Variants in SH3BP4 observed in about 807,000 individuals in gnomAD.
The protein encoded by SH3BP4 is SH3 domain-binding protein 4.
SH3BP4 carries 33 observed loss-of-function variants against 65.5 expected under a neutral mutation model. The ratio of observed to expected loss-of-function variants is 0.50; its 90% CI spans 0.38 to 0.67. The LOEUF (loss-of-function observed/expected upper bound fraction) is 0.67. Ranked by LOEUF, SH3BP4 falls within the 30% of genes least tolerant of loss-of-function variation. The probability of loss-of-function intolerance (pLI) is 0.00; values close to 1 mark genes in which losing one functional copy is unlikely to be tolerated. For synonymous variants in SH3BP4, 552 were observed against 545.5 expected, an observed-to-expected ratio of 1.01 and a Z score of -0.17; for missense variants, 1,134 against 1,261.4, an observed-to-expected ratio of 0.90 and a Z score of 1.53.
chr2:234,992,750 CCA>C (rs1693789131), intron 1 of SH3BP4, among the ~76,000 whole-genome samples: 1 of 145,536 alleles, frequency 6.9e-6, no homozygotes, highest in Admixed American at 6.8e-5. Context: ...TGCATTCCTG[CCA>C]TGTGGCTCTG....
intron 1 of SH3BP4, among the ~76,000 whole-genome samples, chr2:234,988,235 A>AT (rs1320110084): frequency 6.6e-6 from 1 of 151,828 alleles, no homozygotes; most frequent in Non-Finnish European, 1.5e-5. Context: ...AATTTTTTGT[A>AT]TTTTTAGTAG....
chr2:235,029,940 AGGTTGAAGGAACAATGCAGAGGTGGAC>A (rs1466048236), intron 2 of SH3BP4, among the ~76,000 whole-genome samples: 2 of 152,152 alleles, frequency 1.3e-5, no homozygotes, highest in African/African-American at 4.8e-5. Context: ...AGCTTGGGTG[AGGTTGAAGGAACAATGCAGAGGTGGAC>A]GGTGTTGGGC....
rs1350016544 is a variant in SH3BP4, at chr2:235,041,591, C to T, written c.822C>T (p.Pro274=). ...SFFTGLKSPA[P]EQFQSREDFR... is the part of the protein sequence containing the mutation. ...TCACCGGCTTGAAATCACCTGCCCC[C>T]GAGCAATTTCAGAGCCGGGAGGATT... The change falls in exon 4 of 6, where the codon CCC becomes CCT. Residue 274 remains proline (P), a synonymous_variant. Coordinates refer to ENST00000392011, the MANE Select transcript of SH3BP4 (RefSeq NM_014521.3). The surrounding 1 kb of genome is among the most constrained non-coding windows in gnomAD (Gnocchi z 6.0). 15 of 1,614,072 alleles carry T rather than the reference C, an allele frequency of 9.3e-6. No homozygotes were observed. Among genetic ancestry groups the T allele is most frequent in the Middle Eastern group, 1.6e-4 (1 of 6,062 alleles).
intron 1 of SH3BP4, among the ~76,000 whole-genome samples, chr2:234,955,689 A>G (rs980066708): frequency 1.3e-5 from 2 of 152,168 alleles, no homozygotes; most frequent in Non-Finnish European, 2.9e-5. Context: ...ATCAGGAAGC[A>G]TATGGATTTG....
At chr2:234,964,812 G>A (rs1267773973) in intron 1 of SH3BP4, among the ~76,000 whole-genome samples, 1 of 152,144 alleles carries the variant, frequency 6.6e-6, no homozygotes, top group East Asian at 1.9e-4. Context: ...CCAAGAAGAC[G>A]CGATTAGACG....
chr2:234,970,053 ACACT>A (rs1692947855), intron 1 of SH3BP4, among the ~76,000 whole-genome samples: 3 of 142,892 alleles, frequency 2.1e-5, no homozygotes, highest in Admixed American at 6.8e-5. Flanking sequence ...TTACTCACAC[ACACT>A]CATACACACA....
chr2:235,001,506 C>A (rs1303490938), intron 2 of SH3BP4, among the ~76,000 whole-genome samples: 1 of 152,216 alleles, frequency 6.6e-6, no homozygotes, highest in Non-Finnish European at 1.5e-5. Context: ...GTGTAAAACT[C>A]TCCTTCCCTT....
chr2:235,040,096 A>T (rs761420587), intron 3 of SH3BP4, among the ~76,000 whole-genome samples: 3 of 152,132 alleles, frequency 2.0e-5, no homozygotes, highest in Non-Finnish European at 4.4e-5. Context: ...TTAGCCAGGC[A>T]TGGTGGCACA....
At position 235,041,943 on chromosome 2, in the gene SH3BP4, A is replaced by G. The variant is rs1434793335; in HGVS notation, c.1174A>G (p.Ile392Val). The part of the protein sequence containing the change: ...LSNLEVKTSI[I>V]LEMKVSAEIK... ...CAACCTGGAGGTGAAAACCTCTATC[A>G]TCTTGGAGATGAAAGTGTCAGCCGA... Residue 392 changes from isoleucine to valine, a missense_variant, in exon 4 of 6, where the codon ATC becomes GTC. By Grantham distance (29) the Ile-to-Val change is conservative. Coordinates refer to ENST00000392011, the MANE Select transcript of SH3BP4 (RefSeq NM_014521.3). This position sits in a 1 kb window ranked among gnomAD's most constrained non-coding sequence, Gnocchi z 6.0. 4 of 1,613,566 alleles carry G rather than the reference A, an allele frequency of 2.5e-6. No homozygotes were observed. The highest frequency in any genetic ancestry group is 2.2e-5 in the South Asian group (2 of 91,070).
At chr2:234,993,663 ATGTCT>A (rs1367255694) in intron 1 of SH3BP4, among the ~76,000 whole-genome samples, 10 of 152,272 alleles carry the variant, frequency 6.6e-5, no homozygotes, top group African/African-American at 2.4e-4. Context: ...GTGCCCTTTT[ATGTCT>A]TTTAAGATGA....
intron 2 of SH3BP4, among the ~76,000 whole-genome samples, chr2:235,004,227 A>G (rs1021478458): frequency 6.6e-6 from 1 of 152,180 alleles, no homozygotes. Flanking sequence ...TTCTCTGTGC[A>G]TGTGCATAAT....
chr2:234,970,058 CAT>C (rs772899835), intron 1 of SH3BP4, among the ~76,000 whole-genome samples: 4 of 139,298 alleles, frequency 2.9e-5, no homozygotes, highest in Admixed American at 6.9e-5. Flanking sequence ...CACACACACT[CAT>C]ACACACACTC....
intron 2 of SH3BP4, among the ~76,000 whole-genome samples, chr2:235,003,605 G>A (rs1383327315): frequency 6.6e-6 from 1 of 152,204 alleles, no homozygotes; most frequent in African/African-American, 2.4e-5. Context: ...AGGAACAGTT[G>A]CATGGCTCTG....
Position 235,035,226 on chromosome 2 carries a change from T to C in SH3BP4, c.118+106T>C, listed in dbSNP as rs61278438. The C allele has an allele frequency of 6.1e-3, 5,061 of 826,502 alleles. 171 individuals are homozygous for C. The African/African-American group carries it at 0.076, about 12-fold the overall frequency. The allele number at this position is 826,502 out of a possible 1,614,324, so 51.2% of individuals were successfully genotyped here. The stretch of plus-strand genomic sequence containing the variant: ...AAAGATTGCCAGTTTAGCATTCAGA[T>C]AGTTAAAGTTTAGTTCTTTAAACTT... On this transcript the variant is annotated intron_variant, in intron 3 of 5. Transcript: ENST00000392011. This position sits in a 1 kb window ranked among gnomAD's most constrained non-coding sequence, Gnocchi z 5.0.
chr2:235,030,038 C>T lies in SH3BP4; in HGVS notation c.-132-4833C>T, dbSNP rs1339382456. 2.6e-5 allele frequency among the ~76,000 whole-genome samples: 4 copies of T among 152,156 alleles called. No individual in the cohort carries two copies. Among genetic ancestry groups the T allele is most frequent in the African/African-American group, 9.7e-5 (4 of 41,436 alleles). On this transcript the variant is annotated intron_variant, in intron 2 of 5. Transcript: ENST00000392011. This position sits in a 1 kb window ranked among gnomAD's most constrained non-coding sequence, Gnocchi z 4.1. ...CAGTGATTGATTGAAGGGTTGAGAT[C>T]GGCAATATGTAACCCTGGAGGTACA...
chr2:235,053,836 G>C lies in SH3BP4; in HGVS notation c.*20G>C. The C allele has an allele frequency of 1.3e-6, 2 of 1,590,798 alleles. No homozygotes were observed. The highest frequency in any genetic ancestry group is 1.1e-5 in the South Asian group (1 of 90,630). On this transcript the variant is annotated 3_prime_UTR_variant, in exon 6 of 6. Transcript: ENST00000392011. ...ATTTGAATGGGTCCCCTCCCCTCCT[G>C]CTGCTCTGGAGTGCAAGCCCTCTTC...
At chr2:234,963,887 C>A (rs1252382459) in intron 1 of SH3BP4, among the ~76,000 whole-genome samples, 1 of 152,174 alleles carries the variant, frequency 6.6e-6, no homozygotes, top group Non-Finnish European at 1.5e-5. Flanking sequence ...TTTTCAGGAC[C>A]TCTGGGTTCA....
chr2:234,989,018 G>T (rs1693671144), intron 1 of SH3BP4, among the ~76,000 whole-genome samples: 1 of 152,210 alleles, frequency 6.6e-6, no homozygotes, highest in Non-Finnish European at 1.5e-5. Flanking sequence ...TTGTCAGTGT[G>T]TAAGTTTTAA....
chr2:235,041,801 C>A lies in SH3BP4; in HGVS notation c.1032C>A (p.Gly344=). 1 of 1,594,452 alleles carries A rather than the reference C, an allele frequency of 6.3e-7. No homozygotes were observed. The highest frequency in any genetic ancestry group is 8.6e-7 in the Non-Finnish European group (1 of 1,168,874). ...DTSISIHVPE[G]HVAPGETQQI... ...GCATCAGCATCCACGTGCCCGAGGGCCACGTCGCCCCTGGGGAGACCCAGC... is the reference window on the plus strand; with the variant it reads ...GCATCAGCATCCACGTGCCCGAGGGACACGTCGCCCCTGGGGAGACCCAGC... The change falls in exon 4 of 6, where the codon GGC becomes GGA. Residue 344 remains glycine, a synonymous_variant. Coordinates refer to ENST00000392011, the MANE Select transcript of SH3BP4 (RefSeq NM_014521.3). This position sits in a 1 kb window ranked among gnomAD's most constrained non-coding sequence, Gnocchi z 6.0.
Sources: allele counts gnomAD v4.1 joint callset (sites outside exome capture counted in the v4.1 genomes callset), GRCh38; gene constraint gnomAD v4.1.1; non-coding constraint Gnocchi (gnomAD v3.1); transcripts MANE v1.5; gene names NCBI Gene and HGNC (gene_info 2026-07-23, HGNC 2026-07-21).